PRELID2: variants seen among roughly 807,000 people sequenced by gnomAD.
The protein encoded by PRELID2 is PRELI domain-containing protein 2.
PRELID2 carries 25 observed loss-of-function variants against 28.4 expected under a neutral mutation model. The ratio of observed to expected loss-of-function variants is 0.88; its 90% CI spans 0.64 to 1.23. The LOEUF (loss-of-function observed/expected upper bound fraction) is 1.23, where lower values mean the gene tolerates loss of function less well. PRELID2 is among the 50% of genes most tolerant of loss of function. The pLI, the probability that PRELID2 is intolerant of heterozygous loss-of-function variation, is 0.00. For missense variants in PRELID2, 201 were observed against 214.4 expected (o/e 0.94, Z 0.39); for synonymous variants, 76 against 71.6 (o/e 1.06, Z -0.31).
the PRELID2 span, among the ~76,000 whole-genome samples, chr5:145,388,991 A>G: frequency 6.6e-6 from 1 of 152,076 alleles, no homozygotes; most frequent in Non-Finnish European, 1.5e-5. Flanking sequence ...AGCACAATGT[A>G]TCTTACTCAC....
Position 145,697,993 on chromosome 5 carries a change from A to AAT in PRELID2, n.70+66936_70+66937dup, listed in dbSNP as rs796343965. Among the ~76,000 whole-genome samples, 491 of 149,924 alleles carry AAT rather than the reference A, an allele frequency of 3.3e-3. 3 individuals carry two copies. Among genetic ancestry groups the AAT allele is most frequent in the African/African-American group, 8.3e-3 (341 of 41,152 alleles). ...GATTGTCCTAATGTCCCTCAAAAAA[A>AAT]ATATATATATATATATACATGAAGT... On this transcript the variant is annotated intron_variant and non_coding_transcript_variant, in intron 1 of 2. Coordinates refer to the PRELID2 transcript ENST00000510259.
chr5:145,604,212 C>A (rs1753462760), intron 1 of PRELID2, among the ~76,000 whole-genome samples: 1 of 151,942 alleles, frequency 6.6e-6, no homozygotes, highest in Non-Finnish European at 1.5e-5. Flanking sequence ...TAAGCATACC[C>A]AATAGACAGA....
chr5:145,249,388 G>A, the PRELID2 span, among the ~76,000 whole-genome samples: 4 of 151,986 alleles, frequency 2.6e-5, no homozygotes, highest in Non-Finnish European at 5.9e-5. Context: ...ACTCAATTTT[G>A]AATATTTTGA....
intron 1 of PRELID2, among the ~76,000 whole-genome samples, chr5:145,496,804 G>A (rs78371449): frequency 0.015 from 2,319 of 152,064 alleles, 46 homozygotes; most frequent in African/African-American, 0.053. Flanking sequence ...TCCTTCATAG[G>A]TGTTGGCCTG....
chr5:145,293,383 T>A, the PRELID2 span, among the ~76,000 whole-genome samples: 1 of 152,344 alleles, frequency 6.6e-6, no homozygotes, highest in East Asian at 1.9e-4. Context: ...AGGCCTAATG[T>A]GAAGTACTTG....
intron 1 of PRELID2, among the ~76,000 whole-genome samples, chr5:145,653,436 C>T (rs1464256662): frequency 6.6e-6 from 1 of 152,200 alleles, no homozygotes; most frequent in Non-Finnish European, 1.5e-5. Flanking sequence ...CCCAAATCAA[C>T]AGAATATACA....
intron 1 of PRELID2, among the ~76,000 whole-genome samples, chr5:145,594,802 A>G (rs542385475): frequency 6.6e-6 from 1 of 152,320 alleles, no homozygotes; most frequent in African/African-American, 2.4e-5. Flanking sequence ...CAATGAACTC[A>G]TGTTAGTTTA....
At chr5:145,652,773 C>G (rs527502297) in intron 1 of PRELID2, among the ~76,000 whole-genome samples, 4 of 152,208 alleles carry the variant, frequency 2.6e-5, no homozygotes, top group African/African-American at 7.2e-5. Context: ...AAAGGAACAA[C>G]CAGTACCAGC....
chr5:145,600,420 G>GAAAAAA (rs35455268), intron 1 of PRELID2, among the ~76,000 whole-genome samples: 3 of 124,164 alleles, frequency 2.4e-5, no homozygotes, highest in African/African-American at 1.1e-4. Context: ...CTCAGGGGGG[G>GAAAAAA]AAAAAAAAAA....
At chr5:145,777,075 C>CTGAG (rs1287815221) in intron 5 of PRELID2, among the ~76,000 whole-genome samples, 1 of 152,152 alleles carries the variant, frequency 6.6e-6, no homozygotes, top group Non-Finnish European at 1.5e-5. Flanking sequence ...ATTCCCAAGA[C>CTGAG]TGAGGGACAG....
At chr5:145,507,080 G>A (rs917290984) in intron 1 of PRELID2, among the ~76,000 whole-genome samples, 3 of 152,094 alleles carry the variant, frequency 2.0e-5, no homozygotes, top group Non-Finnish European at 2.9e-5. Context: ...ATACAGTAAG[G>A]GCTCAATAAA....
chr5:145,537,992 T>A (rs372042483), intron 1 of PRELID2, among the ~76,000 whole-genome samples: 1 of 151,988 alleles, frequency 6.6e-6, no homozygotes, highest in African/African-American at 2.4e-5. Flanking sequence ...AAGTTTTTAA[T>A]ACATTTTGAT....
intron 1 of PRELID2, among the ~76,000 whole-genome samples, chr5:145,653,407 C>T (rs1374475043): frequency 6.6e-6 from 1 of 152,230 alleles, no homozygotes; most frequent in Non-Finnish European, 1.5e-5. Flanking sequence ...ACCTAATAGA[C>T]ATCTACAGAA....
At chr5:145,742,897 A>G (rs914058586) in intron 1 of PRELID2, among the ~76,000 whole-genome samples, 1 of 152,078 alleles carries the variant, frequency 6.6e-6, no homozygotes, top group Non-Finnish European at 1.5e-5. Context: ...TCAGGAATAA[A>G]ATGGGTTATC....
intron 1 of PRELID2, among the ~76,000 whole-genome samples, chr5:145,539,656 G>T (rs982940688): frequency 6.6e-6 from 1 of 151,188 alleles, no homozygotes; most frequent in African/African-American, 2.4e-5. Context: ...AATATTTATT[G>T]AATCATAATT....
the PRELID2 span, among the ~76,000 whole-genome samples, chr5:145,352,407 G>T: frequency 1.3e-5 from 2 of 152,170 alleles, no homozygotes; most frequent in African/African-American, 4.8e-5. Flanking sequence ...AGCCTGAGCT[G>T]TACATTGGCC....
At chr5:145,561,207 C>A (rs1752922516) in intron 1 of PRELID2, among the ~76,000 whole-genome samples, 1 of 152,162 alleles carries the variant, frequency 6.6e-6, no homozygotes, top group African/African-American at 2.4e-5. Flanking sequence ...TATTTTGACT[C>A]ATAATTTCCA....
intron 1 of PRELID2, among the ~76,000 whole-genome samples, chr5:145,828,832 CTTTTT>C (rs67543120): frequency 4.4e-5 from 3 of 68,274 alleles, no homozygotes; most frequent in Admixed American, 2.3e-4. Flanking sequence ...TGAAAAAAAT[CTTTTT>C]TTTTTTTTTT....
At chr5:145,597,127 T>A (rs762969365) in intron 1 of PRELID2, among the ~76,000 whole-genome samples, 2 of 152,174 alleles carry the variant, frequency 1.3e-5, no homozygotes, top group Non-Finnish European at 2.9e-5. Flanking sequence ...GAAAATTAAA[T>A]AACTGAATTT....
Sources: gnomAD v4.1 joint callset for allele counts (sites outside exome capture counted in the v4.1 genomes callset) on GRCh38, gnomAD v4.1.1 for gene constraint, MANE v1.5 for transcripts, NCBI Gene and HGNC (gene_info 2026-07-23, HGNC 2026-07-21) for gene names.